Variants in AKAP19 observed in about 807,000 individuals in gnomAD.
AKAP19 encodes the protein small A-kinase anchoring protein.
At chr2:190,027,739 C>A in the AKAP19 span, among the ~76,000 whole-genome samples, 1 of 152,124 alleles carries the variant, frequency 6.6e-6, no homozygotes. Context: ...TGTCTGTCAT[C>A]AGTGGTGTTT....
At chr2:189,986,505 A>G in the AKAP19 span, among the ~76,000 whole-genome samples, 1 of 152,054 alleles carries the variant, frequency 6.6e-6, no homozygotes, top group Non-Finnish European at 1.5e-5. Flanking sequence ...CTGGAACTGG[A>G]GTGCTACAAT....
chr2:190,163,419 G>A, the AKAP19 span, among the ~76,000 whole-genome samples: 1 of 149,664 alleles, frequency 6.7e-6, no homozygotes, highest in Non-Finnish European at 1.5e-5. Context: ...GGGAGACACA[G>A]CGAGACTCCG....
At chr2:190,182,730 C>T in the AKAP19 span, among the ~76,000 whole-genome samples, 1 of 152,168 alleles carries the variant, frequency 6.6e-6, no homozygotes, top group Non-Finnish European at 1.5e-5. Context: ...TAATCTATTG[C>T]TTAATTGGCA....
the AKAP19 span, among the ~76,000 whole-genome samples, chr2:190,162,868 T>G: frequency 6.6e-6 from 1 of 152,206 alleles, no homozygotes; most frequent in Admixed American, 6.5e-5. Context: ...AATTTAAAGC[T>G]GAGAAATTAT....
chr2:190,065,667 A>G, the AKAP19 span, among the ~76,000 whole-genome samples: 1 of 152,162 alleles, frequency 6.6e-6, no homozygotes, highest in Non-Finnish European at 1.5e-5. Context: ...GGTGATGTAA[A>G]TGTTATGACC....
At chr2:189,977,017 GA>G in the AKAP19 span, among the ~76,000 whole-genome samples, 1 of 152,306 alleles carries the variant, frequency 6.6e-6, no homozygotes, top group East Asian at 1.9e-4. Flanking sequence ...CCAGTGAGAT[GA>G]AGCTGCTACC....
At chr2:190,042,709 T>C in the AKAP19 span, among the ~76,000 whole-genome samples, 1 of 152,298 alleles carries the variant, frequency 6.6e-6, no homozygotes, top group African/African-American at 2.4e-5. Context: ...TAGTGGCTAT[T>C]AACATTAAGA....
the AKAP19 span, among the ~76,000 whole-genome samples, chr2:190,084,569 C>A: frequency 1.3e-5 from 2 of 152,130 alleles, no homozygotes; most frequent in African/African-American, 4.8e-5. Context: ...TCAAAAAACA[C>A]AATAAAATTC....
the AKAP19 span, among the ~76,000 whole-genome samples, chr2:189,986,882 C>T: frequency 1.3e-5 from 2 of 152,156 alleles, no homozygotes; most frequent in African/African-American, 4.8e-5. Context: ...TGTTGCCTTC[C>T]AACCTAAACC....
At chr2:189,968,058 G>T in the AKAP19 span, among the ~76,000 whole-genome samples, 1 of 151,984 alleles carries the variant, frequency 6.6e-6, no homozygotes, top group Non-Finnish European at 1.5e-5. Flanking sequence ...AGAAGAATAA[G>T]GAACAGTGTG....
the AKAP19 span, among the ~76,000 whole-genome samples, chr2:190,153,142 A>T: frequency 6.6e-6 from 1 of 151,896 alleles, no homozygotes; most frequent in South Asian, 2.1e-4. Context: ...TGATCTGCCC[A>T]CCTCGGCCTC....
chr2:190,189,511 T>C, the AKAP19 span, among the ~76,000 whole-genome samples: 2 of 152,214 alleles, frequency 1.3e-5, no homozygotes, highest in Admixed American at 6.5e-5. Context: ...TTTTCTATCC[T>C]TAATAGATAC....
chr2:190,195,582 T>C, the AKAP19 span, among the ~76,000 whole-genome samples: 1 of 152,256 alleles, frequency 6.6e-6, no homozygotes, highest in Admixed American at 6.5e-5. Flanking sequence ...TCTGTCCAGA[T>C]CTTTTGCCCA....
At chr2:190,175,666 A>G in the AKAP19 span, among the ~76,000 whole-genome samples, 1 of 152,352 alleles carries the variant, frequency 6.6e-6, no homozygotes, top group East Asian at 1.9e-4. Flanking sequence ...TGTCTTCCAC[A>G]TAAGGAAGAT....
chr2:190,174,630 A>G, the AKAP19 span, among the ~76,000 whole-genome samples: 1 of 152,194 alleles, frequency 6.6e-6, no homozygotes, highest in African/African-American at 2.4e-5. Flanking sequence ...ATGGAAAGTG[A>G]CTCATACTGA....
the AKAP19 span, among the ~76,000 whole-genome samples, chr2:189,929,145 C>T: frequency 1.3e-5 from 2 of 152,088 alleles, no homozygotes; most frequent in East Asian, 3.8e-4. Context: ...ACACTTTTTG[C>T]TTCTACTTGC....
chr2:190,008,728 G>A, the AKAP19 span, among the ~76,000 whole-genome samples: 1 of 111,078 alleles, frequency 9.0e-6, no homozygotes, highest in South Asian at 3.3e-4. Flanking sequence ...AGATGTGCAC[G>A]TGCACACACA....
At chr2:189,920,436 A>G in the AKAP19 span, among the ~76,000 whole-genome samples, 145 of 152,318 alleles carry the variant, frequency 9.5e-4, 1 homozygote, top group Middle Eastern at 3.4e-3. Flanking sequence ...CACAAATAGA[A>G]GTTGTACACC....
the AKAP19 span, among the ~76,000 whole-genome samples, chr2:190,163,563 A>G: frequency 4.6e-5 from 7 of 152,102 alleles, no homozygotes; most frequent in Non-Finnish European, 1.5e-5. Flanking sequence ...GTTTTCATCT[A>G]TTTAACAGAC....
Sources: gnomAD v4.1 joint callset for allele counts (sites outside exome capture counted in the v4.1 genomes callset) on GRCh38, gnomAD v4.1.1 for gene constraint, MANE v1.5 for transcripts, NCBI Gene and HGNC (gene_info 2026-07-23, HGNC 2026-07-21) for gene names.